PCSK2: variants seen among roughly 807,000 people sequenced by gnomAD.
The protein encoded by PCSK2 is neuroendocrine convertase 2.
A neutral mutation model predicts 69.7 loss-of-function variants in PCSK2; 14 were observed. The ratio of observed to expected loss-of-function variants is 0.20; its 90% CI spans 0.13 to 0.31. The LOEUF (loss-of-function observed/expected upper bound fraction) is 0.31. PCSK2 is among the 10% of genes least tolerant of loss of function. The pLI is 1.00. For synonymous variants in PCSK2, 307 were observed against 320.7 expected, an observed-to-expected ratio of 0.96 and a Z score of 0.46; for missense variants, 544 against 842.5, an observed-to-expected ratio of 0.65 and a Z score of 4.39.
intron 2 of PCSK2, among the ~76,000 whole-genome samples, chr20:17,348,522 G>A (rs574815678): frequency 5.3e-5 from 8 of 152,208 alleles, no homozygotes; most frequent in Non-Finnish European, 8.8e-5. Flanking sequence ...AGCACAGTAC[G>A]CTAGAGAAGT....
intron 7 of PCSK2, among the ~76,000 whole-genome samples, chr20:17,432,087 C>T (rs1446139319): frequency 6.6e-6 from 1 of 152,216 alleles, no homozygotes; most frequent in Non-Finnish European, 1.5e-5. Context: ...GTGGTTGAAT[C>T]TTAACCCAGG....
At chr20:17,348,016 G>A (rs1990730758) in intron 2 of PCSK2, among the ~76,000 whole-genome samples, 1 of 103,168 alleles carries the variant, frequency 9.7e-6, no homozygotes. Flanking sequence ...AAGAAAGAGA[G>A]AAAAGAGAAA....
Position 17,406,908 on chromosome 20 carries a change from C to T in PCSK2, c.544-2355C>T, listed in dbSNP as rs1047325818. Among the ~76,000 whole-genome samples the T allele has an allele frequency of 3.3e-5, 5 of 152,158 alleles. No individual in the cohort carries two copies. In the East Asian group the frequency reaches 5.8e-4, roughly 18 times the overall value. ...TCATACAGCCTTCCAGAGAGGGAGA[C>T]GGGGACCTAGTGCTGGTTTTCATCA... On this transcript the variant is annotated intron_variant, in intron 5 of 11. Transcript: ENST00000262545.
chr20:17,252,588 C>T (rs1169304208), intron 1 of PCSK2, among the ~76,000 whole-genome samples: 5 of 152,170 alleles, frequency 3.3e-5, no homozygotes, highest in African/African-American at 7.2e-5. Context: ...AAGGTCATAG[C>T]GCTGTTACGA....
chr20:17,430,008 T>C (rs1336479361), intron 7 of PCSK2, among the ~76,000 whole-genome samples: 1 of 152,190 alleles, frequency 6.6e-6, no homozygotes, highest in African/African-American at 2.4e-5. Flanking sequence ...TACAAGGTGG[T>C]GTGTATAAAT....
At chr20:17,244,998 G>T (rs1986719964) in intron 1 of PCSK2, among the ~76,000 whole-genome samples, 1 of 152,062 alleles carries the variant, frequency 6.6e-6, no homozygotes, top group African/African-American at 2.4e-5. Context: ...TCTCATGGGT[G>T]TGGGCAGATT....
At chr20:17,452,099 C>T (rs1368939015) in intron 8 of PCSK2, among the ~76,000 whole-genome samples, 5 of 151,736 alleles carry the variant, frequency 3.3e-5, no homozygotes, top group Non-Finnish European at 5.9e-5. Flanking sequence ...AGGCTGGTCT[C>T]GAACTCCCGA....
intron 6 of PCSK2, among the ~76,000 whole-genome samples, chr20:17,419,000 G>A (rs1568641401): frequency 6.6e-6 from 1 of 152,206 alleles, no homozygotes; most frequent in Non-Finnish European, 1.5e-5. Context: ...TCACTGCTGT[G>A]AAAATAGAAA....
At chr20:17,462,669 A>G (rs1236916717) in intron 10 of PCSK2, among the ~76,000 whole-genome samples, 1 of 152,184 alleles carries the variant, frequency 6.6e-6, no homozygotes, top group African/African-American at 2.4e-5. Flanking sequence ...CGATGCCTGA[A>G]TGTGGTAGAC....
intron 6 of PCSK2, among the ~76,000 whole-genome samples, chr20:17,427,340 G>C (rs2032269631): frequency 6.6e-6 from 1 of 152,176 alleles, no homozygotes; most frequent in Admixed American, 6.5e-5. Context: ...TGATGGAAAA[G>C]CCAGCAGTGT....
chr20:17,377,038 G>A (rs2030947206), intron 5 of PCSK2, among the ~76,000 whole-genome samples: 1 of 152,186 alleles, frequency 6.6e-6, no homozygotes, highest in African/African-American at 2.4e-5. Flanking sequence ...ACTAAGGAAA[G>A]AGAGGACCCT....
chr20:17,439,826 T>A (rs1568651062), intron 8 of PCSK2, among the ~76,000 whole-genome samples: 1 of 152,344 alleles, frequency 6.6e-6, no homozygotes, highest in South Asian at 2.1e-4. Flanking sequence ...ACCCCCAGAC[T>A]TGCTTTGCAA....
At position 17,358,525 on chromosome 20, in the gene PCSK2, G is replaced by T. The variant is rs192918583; in HGVS notation, c.396+85G>T. The stretch of plus-strand genomic sequence containing the variant: ...ATTCCTGTATCCTCATTATTCACTA[G>T]GATGTTAGCCAGTATCCAACCCAGT... On this transcript the variant is annotated intron_variant, in intron 3 of 11. Transcript: ENST00000262545. 3.8e-3 allele frequency: 3,004 copies of T among 788,584 alleles called. 14 individuals are homozygous for T. The highest frequency in any genetic ancestry group is 5.0e-3 in the Non-Finnish European group (2,267 of 455,688). The allele number at this position is 788,584 out of a possible 1,614,324, so 48.8% of individuals were successfully genotyped here.
chr20:17,438,089 T>C (rs2032523308), intron 8 of PCSK2, among the ~76,000 whole-genome samples: 3 of 151,760 alleles, frequency 2.0e-5, no homozygotes, highest in Non-Finnish European at 4.4e-5. Context: ...TTGTCTGGTG[T>C]TAAGTGAGGG....
intron 2 of PCSK2, among the ~76,000 whole-genome samples, chr20:17,266,141 G>A (rs1160092941): frequency 6.6e-6 from 1 of 152,142 alleles, no homozygotes; most frequent in African/African-American, 2.4e-5. Context: ...AGCTATAAAT[G>A]GAAAAGTGAA....
chr20:17,267,578 A>T (rs1240609301), intron 2 of PCSK2, among the ~76,000 whole-genome samples: 2 of 152,158 alleles, frequency 1.3e-5, no homozygotes, highest in Non-Finnish European at 2.9e-5. Flanking sequence ...TTTGTGGGGA[A>T]CAGGGGAGAA....
At chr20:17,387,995 G>A (rs2031281047) in intron 5 of PCSK2, among the ~76,000 whole-genome samples, 1 of 152,192 alleles carries the variant, frequency 6.6e-6, no homozygotes, top group African/African-American at 2.4e-5. Flanking sequence ...TCCCTATGCT[G>A]ATACCTTAAG....
intron 2 of PCSK2, among the ~76,000 whole-genome samples, chr20:17,265,360 T>TA (rs1251724737): frequency 2.6e-5 from 4 of 152,208 alleles, no homozygotes; most frequent in African/African-American, 9.6e-5. Context: ...GGCTGTTTTT[T>TA]ATCCTTATAC....
chr20:17,230,235 C>T (rs954262970), intron 1 of PCSK2, among the ~76,000 whole-genome samples: 22 of 152,090 alleles, frequency 1.4e-4, no homozygotes, highest in African/African-American at 3.6e-4. Flanking sequence ...CTCCCTGCTC[C>T]GAGGCTCAGT....
Sources: gnomAD v4.1 joint callset for allele counts (sites outside exome capture counted in the v4.1 genomes callset) on GRCh38, gnomAD v4.1.1 for gene constraint, MANE v1.5 for transcripts, NCBI Gene and HGNC (gene_info 2026-07-23, HGNC 2026-07-21) for gene names.